GCN1: variants seen among roughly 807,000 people sequenced by gnomAD.
GCN1 encodes stalled ribosome sensor GCN1.
In GCN1, 90 loss-of-function variants were observed where a neutral mutation model predicts 288.4. That is an observed-to-expected ratio of 0.31 (90% CI 0.26 to 0.37). The LOEUF is 0.37. Ranked by LOEUF, GCN1 falls within the 10% of genes least tolerant of loss-of-function variation. The pLI, the probability that GCN1 is intolerant of heterozygous loss-of-function variation, is 1.00. For synonymous variants in GCN1, 1,386 were observed against 1,420.2 expected, an observed-to-expected ratio of 0.98 and a Z score of 0.54; for missense variants, 2,586 against 3,419.9, an observed-to-expected ratio of 0.76 and a Z score of 6.08.
At chr12:120,184,302 A>G in intron 3 of GCN1, 59 bp from the exon 4 acceptor site, 1 of 1,491,008 alleles carries the variant, frequency 6.7e-7, no homozygotes, top group Non-Finnish European at 9.2e-7. Flanking sequence ...GGCAGGGGCA[A>G]GGCTGCTCAG....
intron 12 of GCN1, 45 bp from the exon 13 acceptor site, chr12:120,174,214 A>G (rs2139129758): frequency 8.8e-7 from 1 of 1,129,952 alleles, no homozygotes; most frequent in East Asian, 2.4e-5. Context: ...GCACAGAACC[A>G]CAGAGGCAAG....
rs1327124000 is a variant in GCN1 at position 120,194,661 on chromosome 12, C to T, written c.18+19G>A. 2.6e-6 allele frequency: 4 copies of T among 1,514,628 alleles called. No individual in the cohort carries two copies. The Admixed American group carries it at 6.1e-5, about 23-fold the overall frequency. 93.8% of individuals were successfully genotyped at this position (1,514,628 alleles called of 1,614,324 possible). On this transcript the variant is annotated intron_variant, in intron 1 of 57. Transcript: ENST00000300648. ...CACCCAGTCCCTGGCCGCGTTGGCCCCGCAGCCGCCCGCCTCACCTGCGTG... is the reference window on the plus strand; with the variant it reads ...CACCCAGTCCCTGGCCGCGTTGGCCTCGCAGCCGCCCGCCTCACCTGCGTG...
chr12:120,194,089 A>G (rs946210920), intron 1 of GCN1, among the ~76,000 whole-genome samples: 1 of 152,222 alleles, frequency 6.6e-6, no homozygotes, highest in Non-Finnish European at 1.5e-5. Context: ...CAACCAACAT[A>G]TATCAAGCCG....
Position 120,144,805 on chromosome 12 carries a change from AC to A in GCN1, c.5185del (p.Val1729TrpfsTer7). ...GLAEVMAGLG[V>X]EKLEKLMPEI... Reference sequence around the variant, plus strand: ...TGGCATCAACTTCTCCAACTTCTCCACCCCCAAACCGGCCATGACCTCAGCC... The same window carrying A: ...TGGCATCAACTTCTCCAACTTCTCCACCCCAAACCGGCCATGACCTCAGCC... On this transcript the variant is annotated frameshift_variant, in exon 41 of 58. Transcript: ENST00000300648. LOFTEE classifies it high-confidence loss of function. This position sits in a 1 kb window ranked among gnomAD's most constrained non-coding sequence, Gnocchi z 4.7. 6.2e-7 allele frequency: 1 copy of A among 1,613,854 alleles called. No individual in the cohort carries two copies. The highest frequency in any genetic ancestry group is 8.5e-7 in the Non-Finnish European group (1 of 1,179,978).
intron 23 of GCN1, 47 bp downstream of exon 23, chr12:120,160,095 G>C (rs1877877777): frequency 6.3e-7 from 1 of 1,588,574 alleles, no homozygotes; most frequent in Non-Finnish European, 8.6e-7. Flanking sequence ...GGACCAAGCT[G>C]CCCAGCACTC....
rs754249829 is a variant in GCN1 at position 120,175,825 on chromosome 12, T to G, written c.963A>C (p.Ala321=). ...SPRLMDEAVL[A]LRNLARQCSD... ...TGCACTGGCGTGCCAGGTTCCGCAG[T>G]GCCAGCACAGCTTCATCCATCAGGC... Residue 321 remains alanine (A), a synonymous_variant, in exon 11 of 58, where the codon GCA becomes GCC. Coordinates refer to ENST00000300648, the MANE Select transcript of GCN1 (RefSeq NM_006836.2). The G allele has an allele frequency of 6.2e-7, 1 of 1,613,216 alleles. No individual in the cohort carries two copies. The highest frequency in any genetic ancestry group is 1.3e-5 in the African/African-American group (1 of 74,878).
Position 120,137,834 on chromosome 12 carries a change from T to A in GCN1, c.6394-20A>T. The stretch of plus-strand genomic sequence containing the variant: ...CATCTCCTGCAAACCACAAGGGACA[T>A]GTGTGCTGAGCAGGGATCCTCCGGG... On this transcript the variant is annotated intron_variant, in intron 48 of 57. Transcript: ENST00000300648. This position sits in a 1 kb window ranked among gnomAD's most constrained non-coding sequence, Gnocchi z 5.2. The A allele has an allele frequency of 6.2e-7, 1 of 1,613,022 alleles. No individual in the cohort carries two copies. Among genetic ancestry groups the A allele is most frequent in the African/African-American group, 1.3e-5 (1 of 75,030 alleles).
chr12:120,150,135 C>G, intron 34 of GCN1, 92 bp from the exon 35 acceptor site: 1 of 1,291,578 alleles, frequency 7.7e-7, no homozygotes, highest in Non-Finnish European at 1.1e-6. Flanking sequence ...CCTGCCACCT[C>G]CCACCCCTCT....
Position 120,194,670 on chromosome 12 carries a change from C to A in GCN1, c.18+10G>T. 3.3e-6 allele frequency: 5 copies of A among 1,514,600 alleles called. No individual in the cohort carries two copies. Among genetic ancestry groups the A allele is most frequent in the Non-Finnish European group, 4.4e-6 (5 of 1,137,864 alleles). The allele number at this position is 1,514,600 out of a possible 1,614,324, so 93.8% of individuals were successfully genotyped here. ...CCTGGCCGCGTTGGCCCCGCAGCCG[C>A]CCGCCTCACCTGCGTGTCCGCCGCC... is the stretch of plus-strand genomic sequence containing the variant. On this transcript the variant is annotated intron_variant, in intron 1 of 57. Transcript: ENST00000300648.
chr12:120,136,853 G>C, intron 50 of GCN1, 121 bp from the exon 51 acceptor site: 1 of 711,202 alleles, frequency 1.4e-6, no homozygotes, highest in South Asian at 1.8e-5. Flanking sequence ...ATATTGATTT[G>C]GGCTGAATCT....
At position 120,179,641 on chromosome 12, in the gene GCN1, C is replaced by T. The variant is rs1049693868; in HGVS notation, c.427-691G>A. Reference sequence around the variant, plus strand: ...GTCTCGATCTCCTGACCTCATGATCCGCCCGCCTCGGCCTCCCAAAGTGCT... The same window carrying T: ...GTCTCGATCTCCTGACCTCATGATCTGCCCGCCTCGGCCTCCCAAAGTGCT... On this transcript the variant is annotated intron_variant, in intron 5 of 57. Coordinates refer to ENST00000300648, the MANE Select transcript of GCN1 (RefSeq NM_006836.2). 7.2e-5 allele frequency among the ~76,000 whole-genome samples: 11 copies of T among 152,102 alleles called. No homozygotes were observed. The East Asian group carries it at 1.8e-3, about 24-fold the overall frequency.
rs748539347 is a variant in GCN1, at chr12:120,155,559, C to A, written c.3440+33G>T. On this transcript the variant is annotated intron_variant, in intron 29 of 57. Transcript: ENST00000300648. This position sits in a 1 kb window ranked among gnomAD's most constrained non-coding sequence, Gnocchi z 4.9. ...TTATTTCCTAAAGGAAGAGAGGATGCAGCAGGAGAAAGCGACATGCTGGCT... is the reference window on the plus strand; with the variant it reads ...TTATTTCCTAAAGGAAGAGAGGATGAAGCAGGAGAAAGCGACATGCTGGCT... The A allele has an allele frequency of 1.9e-6, 3 of 1,612,758 alleles. No individual in the cohort carries two copies. Among genetic ancestry groups the A allele is most frequent in the Non-Finnish European group, 2.5e-6 (3 of 1,178,952 alleles).
chr12:120,188,969 T>C (rs1337820232), intron 2 of GCN1, among the ~76,000 whole-genome samples: 1 of 152,178 alleles, frequency 6.6e-6, no homozygotes, highest in Non-Finnish European at 1.5e-5. Flanking sequence ...CCTGAATGGA[T>C]AAACTCTCCA....
intron 1 of GCN1, among the ~76,000 whole-genome samples, chr12:120,191,658 A>C (rs1215689118): frequency 6.6e-6 from 1 of 152,236 alleles, no homozygotes; most frequent in Non-Finnish European, 1.5e-5. Context: ...CTGATGTCCA[A>C]AACTGTCTTC....
rs753564728 is a variant in GCN1 at position 120,167,929 on chromosome 12, G to A, written c.1612+279C>T. On this transcript the variant is annotated intron_variant, in intron 16 of 57. Coordinates refer to ENST00000300648, the MANE Select transcript of GCN1 (RefSeq NM_006836.2). The stretch of plus-strand genomic sequence containing the variant: ...GCTGCCTTAACACAAGAAAACCTCC[G>A]AGACAGCACCAATTACCCAATCAGC... 1.7e-4 allele frequency among the ~76,000 whole-genome samples: 26 copies of A among 151,802 alleles called. 1 individual carries two copies. Among genetic ancestry groups the A allele is most frequent in the Non-Finnish European group, 3.5e-4 (24 of 67,978 alleles).
Position 120,127,875 on chromosome 12 carries a change from G to T in GCN1, c.7990C>A (p.Gln2664Lys), listed in dbSNP as rs370176668. 1.5e-5 allele frequency: 24 copies of T among 1,613,760 alleles called. No homozygotes were observed. Among genetic ancestry groups the T allele is most frequent in the Non-Finnish European group, 1.8e-5 (21 of 1,179,710 alleles). ...CATGTCAGGATGGTGTCGTCCACCT[G>T]CTCCGTGGAGTCGGCCTGGCTGGCC... is the stretch of plus-strand genomic sequence containing the variant. ...KLASQADSTE[Q>K]VDDTILT The change falls in exon 58 of 58, where the codon CAG (glutamine) becomes AAG (lysine). Residue 2664 changes from glutamine (Q) to lysine (K), a missense_variant. By Grantham distance (53) the Gln-to-Lys change is moderately conservative. This residue lies in a region of GCN1 where 355 missense variants were observed against 431.1 expected (regional missense o/e 0.82). Coordinates refer to ENST00000300648, the MANE Select transcript of GCN1 (RefSeq NM_006836.2).
intron 44 of GCN1, among the ~76,000 whole-genome samples, chr12:120,141,623 CT>C (rs146305888): frequency 0.023 from 3,458 of 152,328 alleles, 155 homozygotes; most frequent in African/African-American, 0.079. Context: ...CCACACTGGC[CT>C]TGCTCAGCCC....
chr12:120,176,275 T>C (rs1337464726), intron 9 of GCN1, 58 bp from the exon 10 acceptor site: 1 of 1,183,866 alleles, frequency 8.4e-7, no homozygotes, highest in Non-Finnish European at 1.3e-6. Flanking sequence ...CAACAGATAA[T>C]TTTGTTCCCC....
At chr12:120,185,895 G>A (rs544418060) in intron 2 of GCN1, among the ~76,000 whole-genome samples, 4 of 151,930 alleles carry the variant, frequency 2.6e-5, no homozygotes, top group East Asian at 2.0e-4. Context: ...CATCGCACCC[G>A]GATTAAGCCC....
Sources: allele counts gnomAD v4.1 joint callset (sites outside exome capture counted in the v4.1 genomes callset), GRCh38; gene constraint gnomAD v4.1.1; regional missense constraint gnomAD v4.1.1; non-coding constraint Gnocchi (gnomAD v3.1); transcripts MANE v1.5; gene names NCBI Gene and HGNC (gene_info 2026-07-23, HGNC 2026-07-21).